GPC5: variants seen among roughly 807,000 people sequenced by gnomAD.
GPC5 encodes glypican 5.
GPC5 carries 47 observed loss-of-function variants against 53.9 expected under a neutral mutation model. The ratio of observed to expected loss-of-function variants is 0.87; its 90% CI spans 0.69 to 1.11. The LOEUF (loss-of-function observed/expected upper bound fraction) is 1.11. Ranked by LOEUF, GPC5 falls within the 50% of genes most tolerant of loss-of-function variation. The pLI is 0.00. For missense variants in GPC5, 748 were observed against 713.1 expected, an observed-to-expected ratio of 1.05 and a Z score of -0.56; for synonymous variants, 286 against 263.3, an observed-to-expected ratio of 1.09 and a Z score of -0.84.
chr13:92,797,933 A>G (rs1876759584), intron 7 of GPC5, among the ~76,000 whole-genome samples: 3 of 152,008 alleles, frequency 2.0e-5, no homozygotes, highest in East Asian at 3.9e-4. Flanking sequence ...GTTCATAGAT[A>G]GATGATAGAG....
chr13:92,045,315 T>C (rs1454316502), intron 6 of GPC5, among the ~76,000 whole-genome samples: 2 of 152,148 alleles, frequency 1.3e-5, no homozygotes, highest in Admixed American at 6.5e-5. Flanking sequence ...AGAAGCAATA[T>C]ATGAACCTGT....
At chr13:92,737,074 G>A (rs1888954850) in intron 7 of GPC5, among the ~76,000 whole-genome samples, 1 of 151,874 alleles carries the variant, frequency 6.6e-6, no homozygotes, top group African/African-American at 2.4e-5. Flanking sequence ...CAAAGCAATA[G>A]TATGTCTTTC....
intron 2 of GPC5, among the ~76,000 whole-genome samples, chr13:91,607,595 A>G (rs1355069806): frequency 6.6e-6 from 1 of 152,232 alleles, no homozygotes; most frequent in Non-Finnish European, 1.5e-5. Flanking sequence ...TATGTTTTAT[A>G]TGTAAATATA....
chr13:91,638,386 GA>G (rs1164063138), intron 2 of GPC5, among the ~76,000 whole-genome samples: 1 of 148,344 alleles, frequency 6.7e-6, no homozygotes, highest in East Asian at 2.0e-4. Context: ...CTTTTTTTGA[GA>G]CGGAGTTTCA....
intron 6 of GPC5, among the ~76,000 whole-genome samples, chr13:92,068,046 C>A (rs1489444921): frequency 2.0e-5 from 3 of 151,818 alleles, no homozygotes; most frequent in African/African-American, 7.2e-5. Context: ...TTTAAAGGAA[C>A]ACCACAGGAA....
intron 6 of GPC5, among the ~76,000 whole-genome samples, chr13:92,047,574 C>A (rs1433325236): frequency 6.6e-6 from 1 of 151,274 alleles, no homozygotes. Flanking sequence ...TCCAGCAAGT[C>A]AATGAAGGGC....
At chr13:92,384,907 TA>T (rs1288419339) in intron 7 of GPC5, among the ~76,000 whole-genome samples, 9 of 152,210 alleles carry the variant, frequency 5.9e-5, no homozygotes, top group African/African-American at 1.9e-4. Context: ...AGAATTCTCT[TA>T]CCCATCACCA....
chr13:91,787,163 G>T (rs2037893128), intron 5 of GPC5, among the ~76,000 whole-genome samples: 2 of 151,992 alleles, frequency 1.3e-5, no homozygotes, highest in Admixed American at 1.3e-4. Context: ...TTTTGCATTT[G>T]CTATCTACTC....
intron 2 of GPC5, among the ~76,000 whole-genome samples, chr13:91,532,945 T>G (rs953167358): frequency 1.3e-5 from 2 of 152,172 alleles, no homozygotes; most frequent in Non-Finnish European, 2.9e-5. Flanking sequence ...ATGGCTTATG[T>G]ATATTTTCAG....
chr13:92,017,543 G>A (rs2040717697), intron 6 of GPC5, among the ~76,000 whole-genome samples: 4 of 152,100 alleles, frequency 2.6e-5, no homozygotes, highest in Admixed American at 2.0e-4. Flanking sequence ...CCACCTTTCT[G>A]AGAGCTGGTC....
intron 7 of GPC5, among the ~76,000 whole-genome samples, chr13:92,646,930 ATGTGTGTG>A (rs753380099): frequency 1.4e-5 from 2 of 146,592 alleles, no homozygotes; most frequent in South Asian, 2.2e-4. Flanking sequence ...ATATATAAAC[ATGTGTGTG>A]TGTGTGTGTG....
At chr13:92,103,035 T>G (rs1482559984) in intron 6 of GPC5, among the ~76,000 whole-genome samples, 1 of 152,120 alleles carries the variant, frequency 6.6e-6, no homozygotes, top group Admixed American at 6.5e-5. Context: ...TTTTCTTTCT[T>G]CAGTTTTTGT....
At chr13:92,413,350 C>T (rs1328863180) in intron 7 of GPC5, among the ~76,000 whole-genome samples, 2 of 152,092 alleles carry the variant, frequency 1.3e-5, no homozygotes, top group Admixed American at 6.6e-5. Flanking sequence ...TTTGAAATAC[C>T]ATCTAAATCC....
intron 7 of GPC5, among the ~76,000 whole-genome samples, chr13:92,381,826 CATAT>C (rs1349030838): frequency 2.3e-5 from 2 of 88,148 alleles, no homozygotes; most frequent in Non-Finnish European, 4.8e-5. Flanking sequence ...CATATATAAT[CATAT>C]ATATTATATT....
At chr13:92,154,538 A>G (rs2041929715) in intron 7 of GPC5, among the ~76,000 whole-genome samples, 3 of 152,162 alleles carry the variant, frequency 2.0e-5, no homozygotes, top group Admixed American at 1.3e-4. Flanking sequence ...CAATTCTTTT[A>G]TATACATTTA....
At chr13:92,739,317 G>A (rs539177482) in intron 7 of GPC5, among the ~76,000 whole-genome samples, 3 of 152,110 alleles carry the variant, frequency 2.0e-5, no homozygotes, top group Non-Finnish European at 4.4e-5. Context: ...AATTCAATTC[G>A]ATAAGGATAA....
At chr13:91,970,858 T>G (rs1343795742) in intron 6 of GPC5, among the ~76,000 whole-genome samples, 1 of 152,196 alleles carries the variant, frequency 6.6e-6, no homozygotes, top group Non-Finnish European at 1.5e-5. Flanking sequence ...TGCTGCTGGA[T>G]TCGGTTTGCC....
At chr13:92,632,485 T>TATCTATATATATATAC (rs138355646) in intron 7 of GPC5, among the ~76,000 whole-genome samples, 2 of 137,652 alleles carry the variant, frequency 1.5e-5, no homozygotes, top group Non-Finnish European at 3.1e-5. Context: ...TATATATATA[T>TATCTATATATATATAC]ACACATATAT....
intron 6 of GPC5, among the ~76,000 whole-genome samples, chr13:91,988,571 G>A (rs773055465): frequency 1.3e-5 from 2 of 152,188 alleles, no homozygotes; most frequent in Non-Finnish European, 2.9e-5. Context: ...GCTGTTGGTA[G>A]CAGAGCAGCC....
Sources: gnomAD v4.1 joint callset for allele counts (sites outside exome capture counted in the v4.1 genomes callset) on GRCh38, gnomAD v4.1.1 for gene constraint, MANE v1.5 for transcripts, NCBI Gene and HGNC (gene_info 2026-07-23, HGNC 2026-07-21) for gene names.